Variants in PVT1 observed in about 807,000 individuals in gnomAD.
PVT1 encodes the protein CXCR4/PVT1 fusion.
chr8:127,932,382 A>G, intron 3 of PVT1: 1 of 398,578 alleles, frequency 2.5e-6, no homozygotes, highest in Non-Finnish European at 4.4e-6. Flanking sequence ...GAAGTCTGAG[A>G]TGGATTACCC....
intron 2 of PVT1, among the ~76,000 whole-genome samples, chr8:127,805,377 C>A (rs576359101): frequency 2.6e-5 from 4 of 151,530 alleles, no homozygotes; most frequent in African/African-American, 7.3e-5. Flanking sequence ...AAAAAAAAAA[C>A]AAATTCTCAG....
rs545828877 is a variant in PVT1 at position 128,024,676 on chromosome 8, G to A, written n.912+35385G>A. On this transcript the variant is annotated intron_variant and non_coding_transcript_variant, in intron 4 of 10. Coordinates refer to ENST00000651587, the Ensembl canonical transcript of PVT1. The stretch of plus-strand genomic sequence containing the variant: ...ACATTATCAGTTTCTAGGCCTCCAC[G>A]TGAGCACCTTAAAAGAAGCACTATG... 3.3e-5 allele frequency among the ~76,000 whole-genome samples: 5 copies of A among 151,938 alleles called. No homozygotes were observed. The South Asian group carries it at 8.3e-4, about 25-fold the overall frequency.
intron 4 of PVT1, among the ~76,000 whole-genome samples, chr8:128,029,289 A>G (rs982771446): frequency 1.4e-5 from 2 of 147,082 alleles, no homozygotes; most frequent in Non-Finnish European, 1.5e-5. Context: ...CCCTCAGTTA[A>G]TTTTTTGACT....
intron 2 of PVT1, among the ~76,000 whole-genome samples, chr8:127,860,551 T>G (rs1430052450): frequency 6.6e-6 from 1 of 151,644 alleles, no homozygotes; most frequent in Non-Finnish European, 1.5e-5. Flanking sequence ...GATCACAAGG[T>G]CAGGAGTTCA....
At chr8:128,092,941 G>A (rs566346439) in intron 5 of PVT1, among the ~76,000 whole-genome samples, 8 of 152,124 alleles carry the variant, frequency 5.3e-5, no homozygotes, top group South Asian at 2.1e-4. Context: ...TTCTTGCTGC[G>A]CACGGTGCCC....
intron 3 of PVT1, among the ~76,000 whole-genome samples, chr8:127,900,720 G>A (rs1187025248): frequency 6.6e-6 from 1 of 152,232 alleles, no homozygotes; most frequent in Non-Finnish European, 1.5e-5. Flanking sequence ...AGGGCTGCAG[G>A]TGCATGTCTG....
chr8:127,856,390 G>A (rs1815160633), intron 2 of PVT1, among the ~76,000 whole-genome samples: 2 of 150,032 alleles, frequency 1.3e-5, no homozygotes, highest in Admixed American at 1.3e-4. Flanking sequence ...GTCTTGCTCT[G>A]GAGTGCAATG....
chr8:127,989,550 C>CG (rs1563658927), intron 4 of PVT1, among the ~76,000 whole-genome samples: 1 of 152,034 alleles, frequency 6.6e-6, no homozygotes, highest in African/African-American at 2.4e-5. Context: ...CTAGTGAATG[C>CG]GCCACTTGTA....
intron 2 of PVT1, among the ~76,000 whole-genome samples, chr8:127,867,665 G>C (rs1285114964): frequency 6.6e-6 from 1 of 152,186 alleles, no homozygotes; most frequent in Admixed American, 6.5e-5. Flanking sequence ...AGCCCCTGTG[G>C]CTGTGCAGTC....
At chr8:127,879,386 G>A (rs931186595) in intron 2 of PVT1, among the ~76,000 whole-genome samples, 7 of 152,124 alleles carry the variant, frequency 4.6e-5, no homozygotes, top group Non-Finnish European at 1.0e-4. Context: ...AAAATTAGCC[G>A]GGCGTGGTGG....
chr8:128,063,883 T>C (rs1366441055), intron 4 of PVT1, among the ~76,000 whole-genome samples: 1 of 152,226 alleles, frequency 6.6e-6, no homozygotes, highest in Non-Finnish European at 1.5e-5. Context: ...CATGAGGTAA[T>C]GCACATGTTA....
intron 2 of PVT1, among the ~76,000 whole-genome samples, chr8:127,865,795 G>T (rs1448539485): frequency 1.3e-5 from 2 of 152,206 alleles, no homozygotes; most frequent in African/African-American, 4.8e-5. Context: ...AATGCAATGG[G>T]CGCAGCATTT....
chr8:127,984,792 A>G (rs1816925176), intron 3 of PVT1, among the ~76,000 whole-genome samples: 1 of 151,896 alleles, frequency 6.6e-6, no homozygotes, highest in South Asian at 2.1e-4. Flanking sequence ...TTTTTAGTGG[A>G]GACAGGGGTC....
chr8:128,044,222 C>CT (rs11453170), intron 4 of PVT1, among the ~76,000 whole-genome samples: 84,630 of 149,014 alleles, frequency 0.57, 24,279 homozygotes, highest in East Asian at 0.71. Context: ...TCCATCTCCC[C>CT]TTTTTTTTTC....
At chr8:127,865,809 G>C (rs1445152614) in intron 2 of PVT1, among the ~76,000 whole-genome samples, 1 of 152,218 alleles carries the variant, frequency 6.6e-6, no homozygotes, top group African/African-American at 2.4e-5. Context: ...AGCATTTGAT[G>C]GCCAGCCTGG....
chr8:127,873,438 C>T (rs928234693), intron 2 of PVT1, among the ~76,000 whole-genome samples: 4 of 152,176 alleles, frequency 2.6e-5, no homozygotes, highest in African/African-American at 9.7e-5. Context: ...TTCTTGGCTG[C>T]TGAAAAATCA....
At position 127,960,755 on chromosome 8, in the gene PVT1, A is replaced by G. The variant is rs369698086; in HGVS notation, n.783-28407A>G. ...TAACTGTTTTCTGTTTTTTGTGGGG[A>G]GAGAGTATTATTGTTTCAATTTCCT... On this transcript the variant is annotated intron_variant and non_coding_transcript_variant, in intron 3 of 10. Coordinates refer to ENST00000651587, the Ensembl canonical transcript of PVT1. The G allele has an allele frequency of 2.1e-5, 10 of 472,874 alleles. No individual in the cohort carries two copies. In the East Asian group the frequency reaches 2.9e-4, roughly 14 times the overall value. 29.3% of individuals were successfully genotyped at this position (472,874 alleles called of 1,614,324 possible). A position where few individuals can be genotyped will look rare whatever the true frequency, so the allele number is the denominator to read the frequency against.
intron 4 of PVT1, among the ~76,000 whole-genome samples, chr8:128,065,272 A>G (rs1438864591): frequency 1.3e-5 from 2 of 151,940 alleles, no homozygotes; most frequent in African/African-American, 4.8e-5. Flanking sequence ...GCTCACTGCA[A>G]TCTGTGCTTC....
intron 4 of PVT1, among the ~76,000 whole-genome samples, chr8:128,054,106 A>G (rs191369785): frequency 4.5e-4 from 68 of 152,330 alleles, no homozygotes; most frequent in Non-Finnish European, 1.3e-4. Flanking sequence ...GTGAATTCCT[A>G]CAAATGCTAA....
Sources: gnomAD v4.1 joint callset for allele counts (sites outside exome capture counted in the v4.1 genomes callset) on GRCh38, gnomAD v4.1.1 for gene constraint, MANE v1.5 for transcripts, NCBI Gene and HGNC (gene_info 2026-07-23, HGNC 2026-07-21) for gene names.